Variants in LRRC7 observed in about 807,000 individuals in gnomAD.
LRRC7 encodes the protein leucine-rich repeat-containing protein 7.
LRRC7 carries 23 observed loss-of-function variants against 175.7 expected under a neutral mutation model. The observed-to-expected ratio is 0.13, with a 90% confidence interval of 0.09 to 0.19. The LOEUF is 0.19. Ranked by LOEUF, LRRC7 falls within the 10% of genes least tolerant of loss-of-function variation. LRRC7 has a pLI of 1.00. For synonymous variants in LRRC7, 685 were observed against 680.9 expected, an observed-to-expected ratio of 1.01 and a Z score of -0.09; for missense variants, 1,354 against 1,904.7, an observed-to-expected ratio of 0.71 and a Z score of 5.38.
At chr1:69,895,071 A>G (rs373300906) in intron 7 of LRRC7, among the ~76,000 whole-genome samples, 1 of 152,176 alleles carries the variant, frequency 6.6e-6, no homozygotes, top group African/African-American at 2.4e-5. Flanking sequence ...CATCTCTACT[A>G]AAAACACAAA....
At chr1:69,818,524 T>C (rs1384710860) in intron 4 of LRRC7, among the ~76,000 whole-genome samples, 1 of 152,118 alleles carries the variant, frequency 6.6e-6, no homozygotes, top group Non-Finnish European at 1.5e-5. Context: ...TAGTACTTCC[T>C]TGAGGATTTT....
rs183949694 is a variant in LRRC7 at position 70,131,396 on chromosome 1, C to A, written c.*9509C>A. On this transcript the variant is annotated 3_prime_UTR_variant, in exon 27 of 27. Transcript: ENST00000651989. ...TATTACCTCATGGGACCTTAATTTCCTTTCAAGTAAAACATTTCTGTCCTA... is the reference window on the plus strand; with the variant it reads ...TATTACCTCATGGGACCTTAATTTCATTTCAAGTAAAACATTTCTGTCCTA... Among the ~76,000 whole-genome samples the A allele has an allele frequency of 6.6e-6, 1 of 152,310 alleles. No homozygotes were observed. The highest frequency in any genetic ancestry group is 1.5e-5 in the Non-Finnish European group (1 of 68,026).
At chr1:69,946,381 T>G (rs1230423202) in intron 8 of LRRC7, among the ~76,000 whole-genome samples, 2 of 152,136 alleles carry the variant, frequency 1.3e-5, no homozygotes, top group African/African-American at 2.4e-5. Flanking sequence ...TGTCGTTGGG[T>G]GGAATATTCT....
intron 2 of LRRC7, among the ~76,000 whole-genome samples, chr1:69,742,359 T>C (rs1049593737): frequency 2.0e-5 from 3 of 152,144 alleles, no homozygotes; most frequent in African/African-American, 7.2e-5. Flanking sequence ...AAGTTATATA[T>C]AACTAAGTAA....
chr1:69,655,692 G>A (rs1656508887), intron 1 of LRRC7, among the ~76,000 whole-genome samples: 1 of 152,048 alleles, frequency 6.6e-6, no homozygotes. Context: ...AAGGCAGCTA[G>A]CAACATCTTC....
rs116387490 is a variant in LRRC7 at position 69,861,825 on chromosome 1, C to G, written c.647+23542C>G. On this transcript the variant is annotated intron_variant, in intron 7 of 26. Coordinates refer to ENST00000651989, the MANE Select transcript of LRRC7 (RefSeq NM_001370785.2). The stretch of plus-strand genomic sequence containing the variant: ...CCCGCAGTGTCTGTGTGTGGCGGAC[C>G]TGGAAATCACAGGTGTTCTTGCAGT... Among the ~76,000 whole-genome samples, 485 of 152,214 alleles carry G rather than the reference C, an allele frequency of 3.2e-3. 1 individual carries two copies. The highest frequency in any genetic ancestry group is 0.011 in the African/African-American group (466 of 41,560).
intron 2 of LRRC7, among the ~76,000 whole-genome samples, chr1:69,714,382 C>A (rs190940982): frequency 2.9e-4 from 44 of 152,246 alleles, no homozygotes; most frequent in African/African-American, 9.6e-4. Context: ...TGGAGGAAAG[C>A]AGCTTATGAA....
chr1:69,778,908 A>G (rs1041128134), intron 3 of LRRC7, among the ~76,000 whole-genome samples: 2 of 149,534 alleles, frequency 1.3e-5, no homozygotes, highest in Non-Finnish European at 3.0e-5. Context: ...ATATATATAC[A>G]CACACATACA....
intron 3 of LRRC7, among the ~76,000 whole-genome samples, chr1:69,767,198 C>T (rs545224375): frequency 2.0e-5 from 3 of 152,216 alleles, no homozygotes; most frequent in South Asian, 2.1e-4. Context: ...TAGCATGTGT[C>T]GGTACTTCAT....
intron 7 of LRRC7, among the ~76,000 whole-genome samples, chr1:69,907,092 AT>A: frequency 6.6e-6 from 1 of 152,092 alleles, no homozygotes; most frequent in Non-Finnish European, 1.5e-5. Flanking sequence ...AATGCTTGTG[AT>A]TTTTGTACAT....
intron 23 of LRRC7, among the ~76,000 whole-genome samples, chr1:70,056,152 A>G (rs773047554): frequency 3.3e-5 from 5 of 152,220 alleles, no homozygotes; most frequent in Non-Finnish European, 7.3e-5. Flanking sequence ...TAAGTTCAGT[A>G]GAGAAAACTT....
rs553054312 is a variant in LRRC7, at chr1:70,063,232, C to T, written c.4230+10087C>T. Among the ~76,000 whole-genome samples the T allele has an allele frequency of 2.0e-4, 31 of 152,108 alleles. No homozygotes were observed. The South Asian group carries it at 5.0e-3, about 24-fold the overall frequency. On this transcript the variant is annotated intron_variant, in intron 23 of 26. Transcript: ENST00000651989. ...TGCCACAGATTAAGCAATAGGAAAA[C>T]GGGCAGATTAAAGTACTTACTCCAT... is the stretch of plus-strand genomic sequence containing the variant.
chr1:69,697,890 G>T (rs1435700726), intron 2 of LRRC7, among the ~76,000 whole-genome samples: 1 of 152,170 alleles, frequency 6.6e-6, no homozygotes, highest in Non-Finnish European at 1.5e-5. Flanking sequence ...CATCCCATGG[G>T]GCTTACTGCT....
At chr1:70,019,184 T>G (rs930640529) in intron 15 of LRRC7, among the ~76,000 whole-genome samples, 1 of 152,010 alleles carries the variant, frequency 6.6e-6, no homozygotes, top group African/African-American at 2.4e-5. Flanking sequence ...ATGAACTGGT[T>G]TAGTTGCTGT....
chr1:70,069,007 C>T (rs1475512257), intron 23 of LRRC7, among the ~76,000 whole-genome samples: 1 of 151,968 alleles, frequency 6.6e-6, no homozygotes, highest in Non-Finnish European at 1.5e-5. Context: ...TTCCTGGGAG[C>T]TTTAAATTAC....
intron 1 of LRRC7, among the ~76,000 whole-genome samples, chr1:69,645,069 C>A (rs1249762775): frequency 6.6e-6 from 1 of 151,906 alleles, no homozygotes; most frequent in South Asian, 2.1e-4. Context: ...CAAGAATATT[C>A]ATTGTTGTAA....
At chr1:69,789,901 C>T (rs1361120793) in intron 3 of LRRC7, among the ~76,000 whole-genome samples, 1 of 151,972 alleles carries the variant, frequency 6.6e-6, no homozygotes, top group Non-Finnish European at 1.5e-5. Flanking sequence ...AGTTTTCATG[C>T]TTTACTGTGT....
chr1:70,102,519 G>A (rs1368278206), intron 25 of LRRC7, among the ~76,000 whole-genome samples: 1 of 152,122 alleles, frequency 6.6e-6, no homozygotes, highest in African/African-American at 2.4e-5. Context: ...TGTAGATTGA[G>A]TTTCAGACTT....
chr1:69,778,598 A>G (rs928208068), intron 3 of LRRC7, among the ~76,000 whole-genome samples: 61 of 152,278 alleles, frequency 4.0e-4, no homozygotes, highest in African/African-American at 1.4e-3. Flanking sequence ...CTAGAGCACA[A>G]TCTAATTGGG....
Sources: allele counts gnomAD v4.1 joint callset (sites outside exome capture counted in the v4.1 genomes callset), GRCh38; gene constraint gnomAD v4.1.1; transcripts MANE v1.5; gene names NCBI Gene and HGNC (gene_info 2026-07-23, HGNC 2026-07-21).